SKAP2: variants seen among roughly 807,000 people sequenced by gnomAD.
The protein encoded by SKAP2 is src kinase-associated phosphoprotein 2.
SKAP2 carries 28 observed loss-of-function variants against 54.9 expected under a neutral mutation model. The ratio of observed to expected loss-of-function variants is 0.51; its 90% CI spans 0.38 to 0.70. SKAP2 has a LOEUF of 0.70. Among genes scored for constraint, SKAP2 ranks in the 30% least tolerant of loss-of-function variants. The pLI is 0.00. For synonymous variants in SKAP2, 137 were observed against 134.3 expected (o/e 1.02, Z -0.14); for missense variants, 356 against 424.1 (o/e 0.84, Z 1.41).
chr7:26,722,422 C>T lies in SKAP2; in HGVS notation c.796+3006G>A, dbSNP rs1356322195. Among the ~76,000 whole-genome samples, 4 of 116,138 alleles carry T rather than the reference C, an allele frequency of 3.4e-5. No individual in the cohort carries two copies. In the Admixed American group the frequency reaches 3.5e-4, roughly 10 times the overall value. 76.2% of individuals were successfully genotyped at this position (116,138 alleles called of 152,430 possible). A position where few individuals can be genotyped will look rare whatever the true frequency, so the allele number is the denominator to read the frequency against. ...TTTTTTTTTTTTTGAGACACAGTCT[C>T]ACTCTGTTGCCCAGGCTGGAGTGTA... On this transcript the variant is annotated intron_variant, in intron 9 of 12. Transcript: ENST00000345317.
intron 9 of SKAP2, among the ~76,000 whole-genome samples, chr7:26,704,939 C>G (rs1284750959): frequency 6.6e-6 from 1 of 152,176 alleles, no homozygotes; most frequent in Non-Finnish European, 1.5e-5. Flanking sequence ...CCAACATCAA[C>G]AAAATGTCTG....
At chr7:26,780,075 G>C (rs752415973) in intron 4 of SKAP2, among the ~76,000 whole-genome samples, 4 of 151,980 alleles carry the variant, frequency 2.6e-5, no homozygotes, top group Non-Finnish European at 5.9e-5. Flanking sequence ...AAATCACTGA[G>C]GTAAGTGTGA....
At chr7:26,833,261 T>C (rs1784634272) in intron 4 of SKAP2, among the ~76,000 whole-genome samples, 1 of 151,792 alleles carries the variant, frequency 6.6e-6, no homozygotes, top group African/African-American at 2.4e-5. Flanking sequence ...CCAGGAGTGG[T>C]GGCAGGCACC....
At chr7:26,740,025 G>C in intron 4 of SKAP2, 61 bp from the exon 5 acceptor site, 1 of 1,004,570 alleles carries the variant, frequency 1.0e-6, no homozygotes, top group Non-Finnish European at 1.5e-6. Context: ...GAATAAACAA[G>C]TGCCAGATCT....
chr7:26,804,738 CAAAAA>C (rs11306463), intron 4 of SKAP2, among the ~76,000 whole-genome samples: 1 of 87,430 alleles, frequency 1.1e-5, no homozygotes, highest in Non-Finnish European at 2.3e-5. Flanking sequence ...GACCCCGTCT[CAAAAA>C]AAAAAAAAAA....
At chr7:26,781,577 T>G (rs1035465229) in intron 4 of SKAP2, among the ~76,000 whole-genome samples, 22 of 152,164 alleles carry the variant, frequency 1.4e-4, no homozygotes, top group African/African-American at 5.3e-4. Context: ...ACAAAGAAAC[T>G]AGGCATTCTC....
chr7:26,829,105 T>C (rs1381175094), intron 4 of SKAP2, among the ~76,000 whole-genome samples: 1 of 152,172 alleles, frequency 6.6e-6, no homozygotes, highest in African/African-American at 2.4e-5. Flanking sequence ...GCAAAACTTT[T>C]GTGCTTCAAG....
intron 1 of SKAP2, among the ~76,000 whole-genome samples, chr7:26,856,556 C>A (rs1364875836): frequency 1.3e-5 from 2 of 152,118 alleles, no homozygotes; most frequent in African/African-American, 2.4e-5. Flanking sequence ...TATGAAGAAG[C>A]ATGTTGCTCT....
In SKAP2 at chr7:26,854,126, T is replaced by C. The variant is rs1785108806; in HGVS notation, c.199+11A>G. The C allele has an allele frequency of 1.3e-6, 2 of 1,581,010 alleles. No homozygotes were observed. Among genetic ancestry groups the C allele is most frequent in the African/African-American group, 2.7e-5 (2 of 73,458 alleles). ...AAAAAATTTTCAAGTTTGCCAAACA[T>C]GAAAACTTACCTTTGTCTTGAAATT... On this transcript the variant is annotated intron_variant, in intron 3 of 12. Coordinates refer to ENST00000345317, the MANE Select transcript of SKAP2 (RefSeq NM_003930.5).
rs1562638094 is a variant in SKAP2, at chr7:26,857,329, A to AAAAAAAC, written c.68-2446_68-2440dup. 43 of 268,594 alleles carry AAAAAAAC rather than the reference A, an allele frequency of 1.6e-4. 2 individuals are homozygous for AAAAAAAC. Among genetic ancestry groups the AAAAAAAC allele is most frequent in the African/African-American group, 9.9e-4 (42 of 42,234 alleles). 16.6% of individuals were successfully genotyped at this position (268,594 alleles called of 1,614,324 possible). A position where few individuals can be genotyped will look rare whatever the true frequency, so the allele number is the denominator to read the frequency against. ...TTTGCTTAAAAAAAAAAAAAAAAAAAAAAAAACTTTAAACTGGAAGCAGTT... is the reference window on the plus strand; with the variant it reads ...TTTGCTTAAAAAAAAAAAAAAAAAAAAAAAAACAAAAAACTTTAAACTGGAAGCAGTT... On this transcript the variant is annotated intron_variant, in intron 1 of 12. Coordinates refer to ENST00000345317, the MANE Select transcript of SKAP2 (RefSeq NM_003930.5).
At chr7:26,863,602 C>T (rs898522076) in intron 1 of SKAP2, among the ~76,000 whole-genome samples, 1 of 152,140 alleles carries the variant, frequency 6.6e-6, no homozygotes, top group Non-Finnish European at 1.5e-5. Flanking sequence ...CATAATGCTA[C>T]TGAAGAACCA....
At chr7:26,773,170 A>T (rs990860648) in intron 4 of SKAP2, among the ~76,000 whole-genome samples, 1 of 152,240 alleles carries the variant, frequency 6.6e-6, no homozygotes, top group Non-Finnish European at 1.5e-5. Flanking sequence ...CAGCCACACA[A>T]CATTACTGCA....
In SKAP2 at chr7:26,684,729, T is replaced by G. The variant is rs1024704777; in HGVS notation, c.987+7A>C. The G allele has an allele frequency of 1.3e-6, 2 of 1,579,556 alleles. No individual in the cohort carries two copies. The highest frequency in any genetic ancestry group is 8.7e-7 in the Non-Finnish European group (1 of 1,149,260). On this transcript the variant is annotated splice_region_variant and intron_variant, in intron 11 of 12. Coordinates refer to ENST00000345317, the MANE Select transcript of SKAP2 (RefSeq NM_003930.5). ...TTTACAAACGTCATTTTGGGGTATCTTCTTACCTTGCTAAGAATGTAAATC... is the reference window on the plus strand; with the variant it reads ...TTTACAAACGTCATTTTGGGGTATCGTCTTACCTTGCTAAGAATGTAAATC...
chr7:26,762,974 T>C (rs1040698139), intron 4 of SKAP2, among the ~76,000 whole-genome samples: 11 of 152,194 alleles, frequency 7.2e-5, no homozygotes, highest in African/African-American at 2.4e-4. Flanking sequence ...ATATTTTAAC[T>C]GAACAAACTT....
intron 4 of SKAP2, among the ~76,000 whole-genome samples, chr7:26,795,102 C>T (rs934551388): frequency 1.4e-4 from 22 of 152,042 alleles, no homozygotes; most frequent in African/African-American, 5.3e-4. Context: ...AGAAAATGTC[C>T]TAAAAGTTCA....
chr7:26,767,556 T>C (rs1783088157), intron 4 of SKAP2, among the ~76,000 whole-genome samples: 1 of 152,146 alleles, frequency 6.6e-6, no homozygotes, highest in South Asian at 2.1e-4. Flanking sequence ...TGATGTTAGG[T>C]TGTCGATTTT....
At chr7:26,703,822 G>C (rs541269910) in intron 9 of SKAP2, among the ~76,000 whole-genome samples, 1 of 152,218 alleles carries the variant, frequency 6.6e-6, no homozygotes, top group Non-Finnish European at 1.5e-5. Context: ...ATAATGAAAC[G>C]AAGGCATAGA....
chr7:26,662,907 T>C (rs115477159), downstream of SKAP2, among the ~76,000 whole-genome samples: 3,071 of 152,116 alleles, frequency 0.02, 93 homozygotes, highest in African/African-American at 0.07. Context: ...CTCCAGCTCC[T>C]TGGAATAGCC....
intron 11 of SKAP2, among the ~76,000 whole-genome samples, chr7:26,670,508 G>C (rs2128083414): frequency 6.6e-6 from 1 of 152,000 alleles, no homozygotes; most frequent in East Asian, 1.9e-4. Flanking sequence ...CAGAGCCTGG[G>C]GATACCTTTC....
Sources: gnomAD v4.1 joint callset for allele counts (sites outside exome capture counted in the v4.1 genomes callset) on GRCh38, gnomAD v4.1.1 for gene constraint, MANE v1.5 for transcripts, NCBI Gene and HGNC (gene_info 2026-07-23, HGNC 2026-07-21) for gene names.